The following TRDMT1 variants were observed in gnomAD, a reference collection of about 807,000 sequenced individuals.
TRDMT1 encodes the protein tRNA (cytosine(38)-C(5))-methyltransferase.
In TRDMT1, 49 loss-of-function variants were observed where a neutral mutation model predicts 51.2. That is an observed-to-expected ratio of 0.96 (90% CI 0.76 to 1.21). The LOEUF (loss-of-function observed/expected upper bound fraction) is 1.21. Ranked by LOEUF, TRDMT1 falls within the 50% of genes most tolerant of loss-of-function variation. TRDMT1 has a pLI of 0.00. For missense variants in TRDMT1, 534 were observed against 462.3 expected (o/e 1.16, Z -1.42); for synonymous variants, 187 against 164.6 (o/e 1.14, Z -1.04).
At chr10:17,151,684 C>A in intron 10 of TRDMT1, 1 of 933,744 alleles carries the variant, frequency 1.1e-6, no homozygotes, top group Non-Finnish European at 1.3e-6. Flanking sequence ...TCTATTTCAC[C>A]AACTTAAAAT....
chr10:17,193,364 C>A (rs530496921), intron 1 of TRDMT1, among the ~76,000 whole-genome samples: 2 of 152,034 alleles, frequency 1.3e-5, no homozygotes, highest in African/African-American at 4.8e-5. Flanking sequence ...AGACGTCAAA[C>A]GATCTCTCTT....
At chr10:17,160,506 C>A (rs1029869965) in intron 5 of TRDMT1, 132 bp from the exon 6 acceptor site, 2 of 489,532 alleles carry the variant, frequency 4.1e-6, no homozygotes, top group South Asian at 4.2e-5. Flanking sequence ...GAGTCTCACT[C>A]TGTTGCCCAG....
At chr10:17,200,725 A>G (rs1846041902) in intron 1 of TRDMT1, among the ~76,000 whole-genome samples, 1 of 152,218 alleles carries the variant, frequency 6.6e-6, no homozygotes, top group Non-Finnish European at 1.5e-5. Context: ...TTTCAGTTCC[A>G]ACTCAGCATG....
intron 1 of TRDMT1, among the ~76,000 whole-genome samples, chr10:17,185,218 G>C (rs11254444): frequency 1.3e-5 from 2 of 152,090 alleles, no homozygotes; most frequent in Non-Finnish European, 2.9e-5. Flanking sequence ...TTTTAAAAAT[G>C]AGAATATCAA....
intron 1 of TRDMT1, among the ~76,000 whole-genome samples, chr10:17,187,986 T>A (rs1455494666): frequency 6.6e-6 from 1 of 150,768 alleles, no homozygotes; most frequent in East Asian, 1.9e-4. Context: ...ACATACTTTA[T>A]TTTTTATATT....
In TRDMT1 at chr10:17,157,730, C is replaced by A; in HGVS notation, c.598G>T (p.Asp200Tyr). Residue 200 changes from aspartate (D) to tyrosine (Y), a missense_variant, in exon 8 of 11, where the codon GAT (aspartate) becomes TAT (tyrosine). Asp to Tyr is a radical substitution (Grantham distance 160, BLOSUM62 -3). Coordinates refer to ENST00000377799, the MANE Select transcript of TRDMT1 (RefSeq NM_004412.7). ...TTTTCTTGAATTTTATTTTCTACAT[C>A]CATTGCATATTTTTGTGGATGTACA... ...ESVHPQKYAM[D>Y]VENKIQEKNV... is the part of the protein sequence containing the mutation. 6.2e-7 allele frequency: 1 copy of A among 1,610,726 alleles called. No individual in the cohort carries two copies. Among genetic ancestry groups the A allele is most frequent in the Non-Finnish European group, 8.5e-7 (1 of 1,179,156 alleles).
rs115269662 is a variant in TRDMT1 at position 17,150,556 on chromosome 10, T to C, written c.1076-1416A>G. 1.7e-3 allele frequency: 1,674 copies of C among 985,306 alleles called. 22 individuals carry two copies. In the African/African-American group the frequency reaches 0.027, roughly 16 times the overall value. 61.0% of individuals were successfully genotyped at this position (985,306 alleles called of 1,614,324 possible). A position where few individuals can be genotyped will look rare whatever the true frequency, so the allele number is the denominator to read the frequency against. On this transcript the variant is annotated intron_variant, in intron 10 of 10. Transcript: ENST00000377799. ...CGTACAAGCGTGTGCACTATAATGT[T>C]AGTTATAATGGCAGGATTCCACATT...
chr10:17,187,005 A>G (rs7921162), intron 1 of TRDMT1, among the ~76,000 whole-genome samples: 42,647 of 152,124 alleles, frequency 0.28, 6,243 homozygotes, highest in Middle Eastern at 0.38. Flanking sequence ...CACCAGTGTT[A>G]TGTCAGTGTT....
chr10:17,193,782 C>T (rs1397958793), intron 1 of TRDMT1, among the ~76,000 whole-genome samples: 1 of 152,136 alleles, frequency 6.6e-6, no homozygotes, highest in Non-Finnish European at 1.5e-5. Flanking sequence ...CTACTAGCAT[C>T]ATTTTTTCAT....
chr10:17,176,371 A>G (rs957129947), intron 1 of TRDMT1, among the ~76,000 whole-genome samples: 1 of 152,184 alleles, frequency 6.6e-6, no homozygotes, highest in African/African-American at 2.4e-5. Context: ...TGATGTGCTG[A>G]ATCTGCACTG....
intron 1 of TRDMT1, among the ~76,000 whole-genome samples, chr10:17,176,885 T>C (rs934509416): frequency 2.6e-5 from 4 of 152,170 alleles, no homozygotes; most frequent in Admixed American, 2.6e-4. Context: ...TGAAAATGTA[T>C]AATTAAAAAT....
At chr10:17,177,941 A>G (rs1057075110) in intron 1 of TRDMT1, among the ~76,000 whole-genome samples, 5 of 152,202 alleles carry the variant, frequency 3.3e-5, no homozygotes, top group African/African-American at 1.2e-4. Flanking sequence ...ATCAATATTT[A>G]CAAGATGTAA....
At position 17,146,507 on chromosome 10, in the gene TRDMT1, G is replaced by A; in HGVS notation, c.*2533C>T. 3.0e-6 allele frequency: 3 copies of A among 985,160 alleles called. No individual in the cohort carries two copies. The highest frequency in any genetic ancestry group is 3.6e-6 in the Non-Finnish European group (3 of 829,748). 61.0% of individuals were successfully genotyped at this position (985,160 alleles called of 1,614,324 possible). ...TCATTTTGTTTACATTAATTGATTT[G>A]GTCATCTCTTAGAATTAGTTTTGGA... On this transcript the variant is annotated 3_prime_UTR_variant, in exon 11 of 11. Transcript: ENST00000377799.
At chr10:17,185,761 AT>A (rs1174743251) in intron 1 of TRDMT1, among the ~76,000 whole-genome samples, 2 of 152,184 alleles carry the variant, frequency 1.3e-5, no homozygotes, top group East Asian at 3.9e-4. Flanking sequence ...TTGTAGGGAC[AT>A]GGATGAAGCT....
Position 17,146,903 on chromosome 10 carries a change from T to C in TRDMT1, c.*2137A>G, listed in dbSNP as rs1321068108. 1 of 977,620 alleles carries C rather than the reference T, an allele frequency of 1.0e-6. No homozygotes were observed. The allele number at this position is 977,620 out of a possible 1,614,324, so 60.6% of individuals were successfully genotyped here. ...CATCTTCATTAAGATGTGAGTTTTA[T>C]GCTTGTTACTGCATATTTTCAATTA... On this transcript the variant is annotated 3_prime_UTR_variant, in exon 11 of 11. Transcript: ENST00000377799.
chr10:17,144,572 A>G lies in TRDMT1; in HGVS notation c.*4468T>C. On this transcript the variant is annotated 3_prime_UTR_variant, in exon 11 of 11. Coordinates refer to ENST00000377799, the MANE Select transcript of TRDMT1 (RefSeq NM_004412.7). The stretch of plus-strand genomic sequence containing the variant: ...GTAAGACTCAGAATCTATGGTAAAT[A>G]TAAAGCCAATGTATATGAGAACTTG... 1.0e-6 allele frequency: 1 copy of G among 985,704 alleles called. No individual in the cohort carries two copies. The highest frequency in any genetic ancestry group is 1.2e-6 in the Non-Finnish European group (1 of 829,930). The allele number at this position is 985,704 out of a possible 1,614,324, so 61.1% of individuals were successfully genotyped here.
Position 17,146,074 on chromosome 10 carries a change from T to A in TRDMT1, c.*2966A>T. Reference sequence around the variant, plus strand: ...ACCCCATCCAATTTTACATCCCACATGGTAGCAATACAGCCTTTCAGGGCA... The same window carrying A: ...ACCCCATCCAATTTTACATCCCACAAGGTAGCAATACAGCCTTTCAGGGCA... On this transcript the variant is annotated 3_prime_UTR_variant, in exon 11 of 11. Coordinates refer to ENST00000377799, the MANE Select transcript of TRDMT1 (RefSeq NM_004412.7). 2 of 985,402 alleles carry A rather than the reference T, an allele frequency of 2.0e-6. No individual in the cohort carries two copies. Among genetic ancestry groups the A allele is most frequent in the Non-Finnish European group, 2.4e-6 (2 of 829,924 alleles). The allele number at this position is 985,402 out of a possible 1,614,324, so 61.0% of individuals were successfully genotyped here.
chr10:17,143,987 A>T lies in TRDMT1; in HGVS notation c.*5053T>A. ...AAATGTCCCAGCATGAAGATTCTAG[A>T]ATAGGACTTAGGAAAACAGCAGATT... is the stretch of plus-strand genomic sequence containing the variant. On this transcript the variant is annotated 3_prime_UTR_variant, in exon 11 of 11. Coordinates refer to ENST00000377799, the MANE Select transcript of TRDMT1 (RefSeq NM_004412.7). The T allele has an allele frequency of 1.0e-6, 1 of 985,454 alleles. No individual in the cohort carries two copies. The highest frequency in any genetic ancestry group is 1.2e-6 in the Non-Finnish European group (1 of 829,942). The allele number at this position is 985,454 out of a possible 1,614,324, so 61.0% of individuals were successfully genotyped here.
chr10:17,156,321 G>GCC (rs762776869), intron 8 of TRDMT1, among the ~76,000 whole-genome samples: 67 of 150,872 alleles, frequency 4.4e-4, no homozygotes, highest in Non-Finnish European at 8.1e-4. Flanking sequence ...TGCAACCTCT[G>GCC]CCCCCCAGAT....
Sources: allele counts gnomAD v4.1 joint callset (sites outside exome capture counted in the v4.1 genomes callset), GRCh38; gene constraint gnomAD v4.1.1; transcripts MANE v1.5; gene names NCBI Gene and HGNC (gene_info 2026-07-23, HGNC 2026-07-21).